Variants in FAF1 observed in about 807,000 individuals in gnomAD.
FAF1 encodes the protein Fas associated factor 1.
A neutral mutation model predicts 92.5 loss-of-function variants in FAF1; 25 were observed. The observed-to-expected ratio is 0.27, with a 90% CI of 0.20 to 0.38. The LOEUF is 0.38. Ranked by LOEUF, FAF1 falls within the 10% of genes least tolerant of loss-of-function variation. The pLI is 1.00. For synonymous variants in FAF1, 234 were observed against 273.2 expected (o/e 0.86, Z 1.42); for missense variants, 636 against 793.3 (o/e 0.80, Z 2.38).
chr1:50,766,022 G>A (rs1660556016), intron 4 of FAF1, among the ~76,000 whole-genome samples: 2 of 152,156 alleles, frequency 1.3e-5, no homozygotes, highest in African/African-American at 4.8e-5. Context: ...AACCCGGGAG[G>A]CGCAGGGTGC....
intron 4 of FAF1, among the ~76,000 whole-genome samples, chr1:50,765,223 G>C (rs1660517012): frequency 1.3e-5 from 2 of 152,132 alleles, no homozygotes; most frequent in African/African-American, 4.8e-5. Flanking sequence ...AGGTCATTCA[G>C]TTTAGTTGGC....
At chr1:50,696,893 C>T (rs1657258706) in intron 7 of FAF1, among the ~76,000 whole-genome samples, 1 of 152,112 alleles carries the variant, frequency 6.6e-6, no homozygotes, top group Non-Finnish European at 1.5e-5. Flanking sequence ...ATTGTATGAT[C>T]AAAATATATA....
intron 7 of FAF1, among the ~76,000 whole-genome samples, chr1:50,675,845 T>C (rs1373650915): frequency 2.0e-5 from 3 of 152,206 alleles, no homozygotes; most frequent in Non-Finnish European, 4.4e-5. Flanking sequence ...ATCAATAAGG[T>C]ATAAGAGGCC....
intron 1 of FAF1, among the ~76,000 whole-genome samples, chr1:50,907,035 T>C (rs907524388): frequency 1.3e-5 from 2 of 152,186 alleles, no homozygotes; most frequent in African/African-American, 2.4e-5. Context: ...ATAGCTCTTA[T>C]TATCTTGAGA....
intron 4 of FAF1, among the ~76,000 whole-genome samples, chr1:50,783,815 C>T (rs1324312621): frequency 6.6e-6 from 1 of 152,124 alleles, no homozygotes; most frequent in East Asian, 1.9e-4. Flanking sequence ...GCGGAGGTTG[C>T]AGTGAACCAA....
rs1351147362 is a variant in FAF1, at chr1:50,490,469, AGAAG to A, written c.1653+115_1653+118del. 3.9e-4 allele frequency: 235 copies of A among 609,858 alleles called. 2 individuals carry two copies. Among genetic ancestry groups the A allele is most frequent in the African/African-American group, 1.0e-3 (43 of 42,380 alleles). The allele number at this position is 609,858 out of a possible 1,614,324, so 37.8% of individuals were successfully genotyped here. A position where few individuals can be genotyped will look rare whatever the true frequency, so the allele number is the denominator to read the frequency against. On this transcript the variant is annotated intron_variant, in intron 17 of 18. Coordinates refer to ENST00000396153, the MANE Select transcript of FAF1 (RefSeq NM_007051.3). ...GAAGGAAGGAAGGAAGGAAAAAGAA[AGAAG>A]GAAGGAAGGAAGGAAGGAAAGGAAG...
intron 2 of FAF1, among the ~76,000 whole-genome samples, chr1:50,819,752 CATAT>C (rs1170496723): frequency 4.8e-5 from 1 of 20,624 alleles, no homozygotes; most frequent in African/African-American, 1.7e-4. Context: ...TATATATATA[CATAT>C]ATATATACGT....
At chr1:50,621,388 TTTC>T (rs1215920740) in intron 8 of FAF1, among the ~76,000 whole-genome samples, 3 of 145,282 alleles carry the variant, frequency 2.1e-5, no homozygotes, top group African/African-American at 8.0e-5. Flanking sequence ...TCTTTCTTTT[TTTC>T]TTTTTTTTTT....
At chr1:50,508,338 T>TG (rs1647085959) in intron 15 of FAF1, among the ~76,000 whole-genome samples, 1 of 152,208 alleles carries the variant, frequency 6.6e-6, no homozygotes. Flanking sequence ...ACAATCTGAA[T>TG]GTCCAGCTAC....
Position 50,801,681 on chromosome 1 carries a change from C to G in FAF1, c.115-4G>C. 6.3e-7 allele frequency: 1 copy of G among 1,583,616 alleles called. No homozygotes were observed. The highest frequency in any genetic ancestry group is 1.3e-5 in the African/African-American group (1 of 74,448). Reference sequence around the variant, plus strand: ...GTATTACACCATTGATAGCTGCCTGCAAACAAGAAACAGAGAAGGCCATTT... The same window carrying G: ...GTATTACACCATTGATAGCTGCCTGGAAACAAGAAACAGAGAAGGCCATTT... On this transcript the variant is annotated splice_polypyrimidine_tract_variant and splice_region_variant and intron_variant, in intron 2 of 18. Coordinates refer to ENST00000396153, the MANE Select transcript of FAF1 (RefSeq NM_007051.3).
At chr1:50,560,496 AG>A (rs1649852743) in intron 13 of FAF1, among the ~76,000 whole-genome samples, 1 of 152,246 alleles carries the variant, frequency 6.6e-6, no homozygotes, top group South Asian at 2.1e-4. Flanking sequence ...GTATGTTACA[AG>A]CAACCTGTGT....
chr1:50,850,796 TA>T (rs1047328401), intron 2 of FAF1, among the ~76,000 whole-genome samples: 5 of 152,204 alleles, frequency 3.3e-5, no homozygotes, highest in African/African-American at 1.2e-4. Flanking sequence ...AGCAAATTTT[TA>T]AAAAACTGAC....
At chr1:50,482,092 T>A (rs971242958) in intron 17 of FAF1, among the ~76,000 whole-genome samples, 17 of 152,214 alleles carry the variant, frequency 1.1e-4, no homozygotes, top group African/African-American at 3.9e-4. Context: ...TTTGCATAAG[T>A]ACCATCACCA....
At chr1:50,725,926 T>C (rs1158295529) in intron 6 of FAF1, among the ~76,000 whole-genome samples, 1 of 152,142 alleles carries the variant, frequency 6.6e-6, no homozygotes, top group East Asian at 1.9e-4. Context: ...ACTGCAGGAC[T>C]AGAGCTCAAT....
intron 1 of FAF1, among the ~76,000 whole-genome samples, chr1:50,878,418 T>C (rs1644587254): frequency 6.6e-6 from 1 of 152,228 alleles, no homozygotes; most frequent in Admixed American, 6.5e-5. Flanking sequence ...TCACAACCTT[T>C]TGAAACAGAC....
chr1:50,542,670 C>T (rs1259204054), intron 13 of FAF1, among the ~76,000 whole-genome samples: 3 of 152,072 alleles, frequency 2.0e-5, no homozygotes, highest in African/African-American at 7.2e-5. Context: ...AATCTCAAAC[C>T]CAAAGTGGGG....
intron 17 of FAF1, 86 bp downstream of exon 17, chr1:50,490,500 AAG>A: frequency 1.4e-6 from 1 of 692,760 alleles, no homozygotes; most frequent in Non-Finnish European, 2.6e-6. Context: ...GAAAGGAAGG[AAG>A]GAAGGAAGGA....
chr1:50,948,772 G>A (rs529640138), intron 1 of FAF1, among the ~76,000 whole-genome samples: 256 of 152,048 alleles, frequency 1.7e-3, no homozygotes, highest in African/African-American at 4.9e-3. Flanking sequence ...GTGATCCACC[G>A]GCCTTGGCCT....
chr1:50,653,784 C>T (rs967987050), intron 8 of FAF1, among the ~76,000 whole-genome samples: 53 of 152,012 alleles, frequency 3.5e-4, no homozygotes, highest in African/African-American at 1.2e-3. Flanking sequence ...GAGAATCAAT[C>T]GCTTGAACCC....
Sources: gnomAD v4.1 joint callset for allele counts (sites outside exome capture counted in the v4.1 genomes callset) on GRCh38, gnomAD v4.1.1 for gene constraint, MANE v1.5 for transcripts, NCBI Gene and HGNC (gene_info 2026-07-23, HGNC 2026-07-21) for gene names.